RABGAP1L: variants seen among roughly 807,000 people sequenced by gnomAD.
RABGAP1L encodes rab GTPase-activating protein 1-like.
Under a neutral mutation model 137.7 loss-of-function variants are expected in RABGAP1L, and 63 were observed. The ratio of observed to expected loss-of-function variants is 0.46; its 90% CI spans 0.37 to 0.56. RABGAP1L has a LOEUF of 0.56. Ranked by LOEUF, RABGAP1L falls within the 20% of genes least tolerant of loss-of-function variation. The pLI is 0.00. For synonymous variants in RABGAP1L, 431 were observed against 433.7 expected (o/e 0.99, Z 0.08); for missense variants, 1,095 against 1,244.0 (o/e 0.88, Z 1.80).
intron 13 of RABGAP1L, chr1:174,447,973 G>A: frequency 1.6e-6 from 1 of 626,182 alleles, no homozygotes; most frequent in Non-Finnish European, 2.7e-6. Flanking sequence ...CACTCTCTGG[G>A]ACTCTCAGCT....
intron 13 of RABGAP1L, among the ~76,000 whole-genome samples, chr1:174,573,640 T>G (rs891951576): frequency 2.0e-5 from 3 of 152,172 alleles, no homozygotes; most frequent in Non-Finnish European, 2.9e-5. Context: ...CTTATAGTGA[T>G]TATGATTTTT....
chr1:174,217,716 A>G (rs1669445246), intron 1 of RABGAP1L, among the ~76,000 whole-genome samples: 1 of 152,178 alleles, frequency 6.6e-6, no homozygotes, highest in South Asian at 2.1e-4. Flanking sequence ...AACATGCATA[A>G]CAGAAATAAA....
At chr1:174,469,620 T>C (rs1657682098) in intron 13 of RABGAP1L, among the ~76,000 whole-genome samples, 1 of 152,104 alleles carries the variant, frequency 6.6e-6, no homozygotes, top group Non-Finnish European at 1.5e-5. Flanking sequence ...GGTTCCATCC[T>C]GGAAGCTCTA....
chr1:174,867,660 A>G (rs955129323), intron 19 of RABGAP1L, among the ~76,000 whole-genome samples: 5 of 152,048 alleles, frequency 3.3e-5, no homozygotes, highest in African/African-American at 7.2e-5. Flanking sequence ...TTATTTATTT[A>G]TCTGAGACAG....
At chr1:174,212,006 G>A (rs1668932937) in intron 1 of RABGAP1L, among the ~76,000 whole-genome samples, 2 of 152,004 alleles carry the variant, frequency 1.3e-5, no homozygotes, top group South Asian at 4.1e-4. Context: ...TAAAGAGAGG[G>A]ATAGACCCAA....
intron 19 of RABGAP1L, among the ~76,000 whole-genome samples, chr1:174,884,176 A>G (rs915469382): frequency 6.6e-6 from 1 of 152,344 alleles, no homozygotes; most frequent in African/African-American, 2.4e-5. Context: ...GATATTCTTC[A>G]CTGACAGAAA....
At chr1:174,498,765 C>T (rs1660981136) in intron 13 of RABGAP1L, among the ~76,000 whole-genome samples, 3 of 151,704 alleles carry the variant, frequency 2.0e-5, no homozygotes, top group Admixed American at 6.6e-5. Context: ...CCAACCTCGG[C>T]CTCCCAAAGT....
intron 17 of RABGAP1L, among the ~76,000 whole-genome samples, chr1:174,730,612 G>T (rs1682386718): frequency 6.6e-6 from 1 of 152,138 alleles, no homozygotes; most frequent in South Asian, 2.1e-4. Flanking sequence ...CCCGAAACTG[G>T]TTAATTATGT....
At chr1:174,800,513 T>C in intron 18 of RABGAP1L, 1 of 1,549,538 alleles carries the variant, frequency 6.5e-7, no homozygotes. Context: ...GAGATTGTTT[T>C]TCATTGAACT....
At chr1:174,847,677 A>C (rs1378985935) in intron 19 of RABGAP1L, among the ~76,000 whole-genome samples, 2 of 130,418 alleles carry the variant, frequency 1.5e-5, no homozygotes, top group Non-Finnish European at 3.2e-5. Context: ...CCTTCATTTC[A>C]ACTTTGGTGA....
rs542414149 is a variant in RABGAP1L, at chr1:174,812,310, G to A, written c.2340+350G>A. Among the ~76,000 whole-genome samples, 7 of 152,270 alleles carry A rather than the reference G, an allele frequency of 4.6e-5. No homozygotes were observed. The South Asian group carries it at 1.2e-3, about 27-fold the overall frequency. ...GATTATTTAGGACAAAGCAAGAAAA[G>A]CTTGCTTAGGCAATGCTTTCATTTC... On this transcript the variant is annotated intron_variant, in intron 19 of 25. Coordinates refer to ENST00000681986, the MANE Select transcript of RABGAP1L (RefSeq NM_001366446.1).
chr1:174,682,711 G>A (rs1678173561), intron 14 of RABGAP1L, among the ~76,000 whole-genome samples: 1 of 152,154 alleles, frequency 6.6e-6, no homozygotes, highest in African/African-American at 2.4e-5. Context: ...TAAGCCTATG[G>A]CCTTATTTCC....
At chr1:174,376,095 A>T (rs939880053) in intron 12 of RABGAP1L, among the ~76,000 whole-genome samples, 1 of 151,672 alleles carries the variant, frequency 6.6e-6, no homozygotes, top group African/African-American at 2.4e-5. Context: ...TAAAGTAAAG[A>T]AAAGGAAAGA....
intron 13 of RABGAP1L, among the ~76,000 whole-genome samples, chr1:174,623,821 C>G (rs1672732353): frequency 6.6e-6 from 1 of 152,146 alleles, no homozygotes; most frequent in Non-Finnish European, 1.5e-5. Flanking sequence ...CCTTGGACCC[C>G]CCTCATCAGG....
intron 18 of RABGAP1L, among the ~76,000 whole-genome samples, chr1:174,771,310 C>T (rs1262110346): frequency 6.6e-6 from 1 of 152,222 alleles, no homozygotes; most frequent in African/African-American, 2.4e-5. Flanking sequence ...AAATTTATGT[C>T]ATGCCAGCTG....
At chr1:174,970,953 A>T (rs546465629) in intron 21 of RABGAP1L, among the ~76,000 whole-genome samples, 89 of 152,048 alleles carry the variant, frequency 5.9e-4, no homozygotes, top group African/African-American at 2.0e-3. Context: ...TAAACAGTAA[A>T]CATTTATAAT....
intron 14 of RABGAP1L, 82 bp from the exon 15 acceptor site, chr1:174,683,440 A>G (rs981470282): frequency 1.2e-5 from 14 of 1,134,782 alleles, no homozygotes; most frequent in Non-Finnish European, 1.5e-5. Context: ...GACAGGAACA[A>G]GCAGGAGCCT....
At chr1:174,231,983 A>G (rs1243047250) in intron 4 of RABGAP1L, among the ~76,000 whole-genome samples, 1 of 152,214 alleles carries the variant, frequency 6.6e-6, no homozygotes, top group African/African-American at 2.4e-5. Flanking sequence ...TACGCTTAGA[A>G]TATTATAAAT....
intron 18 of RABGAP1L, among the ~76,000 whole-genome samples, chr1:174,787,402 CAAAAAAA>C (rs35930436): frequency 8.3e-6 from 1 of 119,904 alleles, no homozygotes; most frequent in Non-Finnish European, 1.7e-5. Flanking sequence ...GACTCTGTGT[CAAAAAAA>C]AAAAAAAAAA....
Sources: allele counts gnomAD v4.1 joint callset (sites outside exome capture counted in the v4.1 genomes callset), GRCh38; gene constraint gnomAD v4.1.1; transcripts MANE v1.5; gene names NCBI Gene and HGNC (gene_info 2026-07-23, HGNC 2026-07-21).